TOX3: variants seen among roughly 807,000 people sequenced by gnomAD.
TOX3 encodes CAG trinucleotide repeat-containing gene F9 protein.
In TOX3, 22 loss-of-function variants were observed where a neutral mutation model predicts 64.3. The ratio of observed to expected loss-of-function variants is 0.34; its 90% CI spans 0.24 to 0.49. TOX3 has a LOEUF of 0.49. Ranked by LOEUF, TOX3 falls within the 20% of genes least tolerant of loss-of-function variation. The pLI is 0.99. For missense variants in TOX3, 661 were observed against 714.4 expected, an observed-to-expected ratio of 0.93 and a Z score of 0.85; for synonymous variants, 291 against 273.6, an observed-to-expected ratio of 1.06 and a Z score of -0.63.
chr16:52,441,459 TAGAG>T (rs1430747224), intron 6 of TOX3, among the ~76,000 whole-genome samples: 1 of 152,188 alleles, frequency 6.6e-6, no homozygotes, highest in Non-Finnish European at 1.5e-5. Context: ...GGGCTGAACA[TAGAG>T]AGAAACTATC....
intron 1 of TOX3, among the ~76,000 whole-genome samples, chr16:52,485,496 G>A (rs961231997): frequency 9.2e-5 from 14 of 151,802 alleles, no homozygotes; most frequent in African/African-American, 3.4e-4. Flanking sequence ...GGACGTTGGG[G>A]GGTGATGAAG....
intron 3 of TOX3, among the ~76,000 whole-genome samples, chr16:52,457,212 G>A (rs1000474997): frequency 2.5e-4 from 38 of 151,970 alleles, no homozygotes; most frequent in Non-Finnish European, 8.8e-5. Flanking sequence ...GTCTTGCTTT[G>A]TTTTGTTTCT....
intron 6 of TOX3, 111 bp from the exon 7 acceptor site, chr16:52,440,079 T>G (rs1959916274): frequency 2.3e-6 from 2 of 867,178 alleles, no homozygotes. Flanking sequence ...CCATTATTCA[T>G]GCCCTCCTGT....
chr16:52,448,051 T>C (rs1045318296), intron 4 of TOX3, among the ~76,000 whole-genome samples: 1 of 152,180 alleles, frequency 6.6e-6, no homozygotes, highest in African/African-American at 2.4e-5. Flanking sequence ...AACCATGATG[T>C]GCCCTAATCA....
chr16:52,487,514 C>A (rs1961564662), intron 1 of TOX3, among the ~76,000 whole-genome samples: 1 of 152,146 alleles, frequency 6.6e-6, no homozygotes, highest in Non-Finnish European at 1.5e-5. Context: ...TCGAGAAACA[C>A]TTCCATCCCC....
chr16:52,546,857 G>A lies in TOX3; in HGVS notation c.-134C>T, dbSNP rs1295722073. 1 of 1,226,568 alleles carries A rather than the reference G, an allele frequency of 8.2e-7. No individual in the cohort carries two copies. Among genetic ancestry groups the A allele is most frequent in the South Asian group, 3.2e-5 (1 of 31,086 alleles). 76.0% of individuals were successfully genotyped at this position (1,226,568 alleles called of 1,614,324 possible). On this transcript the variant is annotated 5_prime_UTR_variant, in exon 1 of 7. Coordinates refer to ENST00000219746, the MANE Select transcript of TOX3 (RefSeq NM_001080430.4). Reference sequence around the variant, plus strand: ...TGGGACTCGCGGCCGGAGGGGCGCCGGGACCCAGAGCCCGAGGAGCTCGGG... The same window carrying A: ...TGGGACTCGCGGCCGGAGGGGCGCCAGGACCCAGAGCCCGAGGAGCTCGGG...
chr16:52,485,106 CAT>C (rs1425024855), intron 1 of TOX3, among the ~76,000 whole-genome samples: 3 of 147,788 alleles, frequency 2.0e-5, no homozygotes, highest in Non-Finnish European at 3.0e-5. Context: ...TATATATACA[CAT>C]GTATGTATAT....
Position 52,468,520 on chromosome 16 carries a change from C to G in TOX3, c.142G>C (p.Ala48Pro), listed in dbSNP as rs775836835. 1 of 1,612,736 alleles carries G rather than the reference C, an allele frequency of 6.2e-7. No individual in the cohort carries two copies. Among genetic ancestry groups the G allele is most frequent in the South Asian group, 1.1e-5 (1 of 90,958 alleles). Reference protein sequence around the residue: ...NMAEANNAFFAASEQTFHTPS... With the variant: ...NMAEANNAFFPASEQTFHTPS... ...AGACAGTCACCTACCTCACTGGCAG[C>G]GAAGAACGCATTGTTCGCCTCAGCC... The change falls in exon 2 of 7, where the codon GCT becomes CCT. Residue 48 changes from alanine to proline, a missense_variant. Physicochemically the swap from Ala to Pro is conservative, Grantham distance 27 (BLOSUM62 -1). Coordinates refer to ENST00000219746, the MANE Select transcript of TOX3 (RefSeq NM_001080430.4).
intron 1 of TOX3, among the ~76,000 whole-genome samples, chr16:52,481,104 G>A (rs774870849): frequency 6.6e-6 from 1 of 152,090 alleles, no homozygotes; most frequent in African/African-American, 2.4e-5. Context: ...ACATAAATTC[G>A]AGATGAGGTA....
chr16:52,484,183 C>G (rs1204114692), intron 1 of TOX3, among the ~76,000 whole-genome samples: 1 of 152,118 alleles, frequency 6.6e-6, no homozygotes, highest in Non-Finnish European at 1.5e-5. Context: ...AGGGAAATTT[C>G]TTTAAACAAA....
chr16:52,512,697 A>T (rs1962343728), intron 1 of TOX3, among the ~76,000 whole-genome samples: 1 of 152,204 alleles, frequency 6.6e-6, no homozygotes, highest in African/African-American at 2.4e-5. Context: ...AAGAGGTGAC[A>T]TTTTTGAGCT....
intron 1 of TOX3, among the ~76,000 whole-genome samples, chr16:52,540,134 T>C (rs976418536): frequency 6.6e-6 from 1 of 152,046 alleles, no homozygotes; most frequent in Non-Finnish European, 1.5e-5. Context: ...ATCTCAGCAC[T>C]TTGGGAGGTC....
At position 52,438,819 on chromosome 16, in the gene TOX3, C is replaced by T. The variant is rs558608521; in HGVS notation, c.*406G>A. ...ACAACTGTGCTTTTTATTTTTAGGG[C>T]TTCAGGAGTTCAGATAGCCTGGAAG... On this transcript the variant is annotated 3_prime_UTR_variant, in exon 7 of 7. Transcript: ENST00000219746. 2 of 413,256 alleles carry T rather than the reference C, an allele frequency of 4.8e-6. No individual in the cohort carries two copies. Among genetic ancestry groups the T allele is most frequent in the Admixed American group, 3.1e-5 (1 of 31,918 alleles). The allele number at this position is 413,256 out of a possible 1,614,324, so 25.6% of individuals were successfully genotyped here.
At chr16:52,529,173 A>G (rs984840564) in intron 1 of TOX3, among the ~76,000 whole-genome samples, 3 of 152,240 alleles carry the variant, frequency 2.0e-5, no homozygotes, top group Non-Finnish European at 4.4e-5. Context: ...AGTCTCAGAG[A>G]GTATACTAAT....
chr16:52,508,742 A>G (rs921043086), intron 1 of TOX3, among the ~76,000 whole-genome samples: 5 of 152,160 alleles, frequency 3.3e-5, no homozygotes, highest in Admixed American at 6.6e-5. Flanking sequence ...GCACAGAGAG[A>G]ACTTCAAAAT....
chr16:52,512,995 G>T (rs1567343861), intron 1 of TOX3, among the ~76,000 whole-genome samples: 1 of 152,146 alleles, frequency 6.6e-6, no homozygotes, highest in African/African-American at 2.4e-5. Context: ...TTTTTCCAAT[G>T]CCAAAATACA....
chr16:52,467,529 T>G (rs1261642445), intron 2 of TOX3, among the ~76,000 whole-genome samples: 2 of 152,204 alleles, frequency 1.3e-5, no homozygotes, highest in African/African-American at 4.8e-5. Flanking sequence ...CCATTATTAT[T>G]TTCATTCTCT....
intron 1 of TOX3, among the ~76,000 whole-genome samples, chr16:52,540,359 A>G (rs1160293296): frequency 6.6e-6 from 1 of 151,412 alleles, no homozygotes; most frequent in Non-Finnish European, 1.5e-5. Context: ...AGCCATGGTC[A>G]CTGCACTCAA....
At chr16:52,457,358 A>T (rs567432162) in intron 3 of TOX3, among the ~76,000 whole-genome samples, 1 of 152,266 alleles carries the variant, frequency 6.6e-6, no homozygotes, top group East Asian at 1.9e-4. Flanking sequence ...AAATTTTTTT[A>T]AATTCTAATA....
Sources: gnomAD v4.1 joint callset for allele counts (sites outside exome capture counted in the v4.1 genomes callset) on GRCh38, gnomAD v4.1.1 for gene constraint, MANE v1.5 for transcripts, NCBI Gene and HGNC (gene_info 2026-07-23, HGNC 2026-07-21) for gene names.